Variants in CAMSAP1 observed in about 807,000 individuals in gnomAD.
The protein encoded by CAMSAP1 is calmodulin-regulated spectrin-associated protein 1.
CAMSAP1 carries 58 observed loss-of-function variants against 143.5 expected under a neutral mutation model. The observed-to-expected ratio is 0.40, with a 90% confidence interval of 0.33 to 0.50. CAMSAP1 has a LOEUF of 0.50. CAMSAP1 is among the 20% of genes least tolerant of loss of function. CAMSAP1 has a pLI of 0.45. For synonymous variants in CAMSAP1, 945 were observed against 859.3 expected (o/e 1.10, Z -1.74); for missense variants, 1,969 against 2,115.7 (o/e 0.93, Z 1.36).
chr9:135,838,130 C>T (rs1394564884), intron 7 of CAMSAP1, among the ~76,000 whole-genome samples: 1 of 150,546 alleles, frequency 6.6e-6, no homozygotes, highest in Non-Finnish European at 1.5e-5. Context: ...TCATCACACA[C>T]TTTCTACCCG....
Position 135,850,114 on chromosome 9 carries a change from CCTGGGGAATAT to C in CAMSAP1, c.1045+12_1045+22del, listed in dbSNP as rs780155643. On this transcript the variant is annotated intron_variant, in intron 7 of 16. Coordinates refer to ENST00000389532, the MANE Select transcript of CAMSAP1 (RefSeq NM_015447.4). ...AGGCTCTCAAGGAAACCATTGCCAA[CCTGGGGAATAT>C]CTGTCACTCACCGTCTTTCAGCTCC... is the stretch of plus-strand genomic sequence containing the variant. 3 of 1,581,388 alleles carry C rather than the reference CCTGGGGAATAT, an allele frequency of 1.9e-6. No homozygotes were observed. The African/African-American group carries it at 4.1e-5, about 21-fold the overall frequency.
chr9:135,824,695 A>G lies in CAMSAP1; in HGVS notation c.1315+94T>C. Reference sequence around the variant, plus strand: ...CAAACAAACAAACAAAAAAATCACTACATCAGATAAAATGATTTAATTTTG... The same window carrying G: ...CAAACAAACAAACAAAAAAATCACTGCATCAGATAAAATGATTTAATTTTG... On this transcript the variant is annotated intron_variant, in intron 9 of 16. Coordinates refer to ENST00000389532, the MANE Select transcript of CAMSAP1 (RefSeq NM_015447.4). This position sits in a 1 kb window ranked among gnomAD's most constrained non-coding sequence, Gnocchi z 4.1. The G allele has an allele frequency of 1.1e-6, 1 of 950,034 alleles. No individual in the cohort carries two copies. The highest frequency in any genetic ancestry group is 1.5e-6 in the Non-Finnish European group (1 of 648,348). 58.9% of individuals were successfully genotyped at this position (950,034 alleles called of 1,614,324 possible).
At position 135,822,655 on chromosome 9, in the gene CAMSAP1, G is replaced by T; in HGVS notation, c.2006C>A (p.Pro669Gln). Residue 669 changes from proline (P) to glutamine (Q), a missense_variant, in exon 11 of 17, where the codon CCA (proline) becomes CAA (glutamine). Physicochemically the swap from Pro to Gln is moderately conservative, Grantham distance 76. Coordinates refer to ENST00000389532, the MANE Select transcript of CAMSAP1 (RefSeq NM_015447.4). This position sits in a 1 kb window ranked among gnomAD's most constrained non-coding sequence, Gnocchi z 6.1. Reference protein sequence around the residue: ...PMGIDPTETGPLSVETAGEVC... With the variant: ...PMGIDPTETGQLSVETAGEVC... ...CTCTCCTGCGGTTTCCACTGACAGT[G>T]GTCCTGTCTCGGTGGGGTCGATGCC... 6.2e-7 allele frequency: 1 copy of T among 1,609,866 alleles called. No homozygotes were observed. Among genetic ancestry groups the T allele is most frequent in the Non-Finnish European group, 8.5e-7 (1 of 1,177,580 alleles).
At chr9:135,843,319 C>G (rs1836430913) in intron 7 of CAMSAP1, among the ~76,000 whole-genome samples, 1 of 152,078 alleles carries the variant, frequency 6.6e-6, no homozygotes, top group Non-Finnish European at 1.5e-5. Flanking sequence ...AAGAGCGAAA[C>G]TCCATCTCAA....
intron 14 of CAMSAP1, 83 bp from the exon 15 acceptor site, chr9:135,816,088 C>T (rs1258254756): frequency 7.8e-7 from 1 of 1,280,692 alleles, no homozygotes; most frequent in Non-Finnish European, 1.1e-6. Context: ...GGCCCGCAAC[C>T]AGGACAGGAA....
rs1324027956 is a variant in CAMSAP1 at position 135,809,908 on chromosome 9, A to C, written c.*1401T>G. On this transcript the variant is annotated 3_prime_UTR_variant, in exon 17 of 17. Transcript: ENST00000389532. ...TGTTCCCTCCTTATGTACACGACTCACTCATGTTTTTTGTCTATCTAAAAT... is the reference window on the plus strand; with the variant it reads ...TGTTCCCTCCTTATGTACACGACTCCCTCATGTTTTTTGTCTATCTAAAAT... 1 of 152,404 alleles carries C rather than the reference A, an allele frequency of 6.6e-6. No homozygotes were observed. Among genetic ancestry groups the C allele is most frequent in the Admixed American group, 6.5e-5 (1 of 15,278 alleles). 9.4% of individuals were successfully genotyped at this position (152,404 alleles called of 1,614,324 possible). A position where few individuals can be genotyped will look rare whatever the true frequency, so the allele number is the denominator to read the frequency against.
intron 4 of CAMSAP1, among the ~76,000 whole-genome samples, chr9:135,865,792 T>C (rs955440766): frequency 6.6e-6 from 1 of 151,992 alleles, no homozygotes; most frequent in Non-Finnish European, 1.5e-5. Context: ...AGCTAACAAA[T>C]GCATGGCCAG....
At chr9:135,899,221 T>A (rs1391186788) in intron 1 of CAMSAP1, among the ~76,000 whole-genome samples, 1 of 152,032 alleles carries the variant, frequency 6.6e-6, no homozygotes, top group Non-Finnish European at 1.5e-5. Flanking sequence ...TGGTTTAAAT[T>A]CCTCAAACTA....
At position 135,818,480 on chromosome 9, in the gene CAMSAP1, T is replaced by C; in HGVS notation, c.4096A>G (p.Lys1366Glu). 1 of 1,608,918 alleles carries C rather than the reference T, an allele frequency of 6.2e-7. No homozygotes were observed. Among genetic ancestry groups the C allele is most frequent in the Non-Finnish European group, 8.5e-7 (1 of 1,179,422 alleles). ...TGCACCGACTTCGGCCGCGGCTTCTTCGGCTTTGACTTGGGCTTGCCGAGC... is the reference window on the plus strand; with the variant it reads ...TGCACCGACTTCGGCCGCGGCTTCTCCGGCTTTGACTTGGGCTTGCCGAGC... ...QGLGKPKSKP[K>E]KPRPKSVHRE... Residue 1366 changes from lysine to glutamate, a missense_variant, in exon 13 of 17, where the codon AAG (lysine) becomes GAG (glutamate). Physicochemically the swap from Lys to Glu is moderately conservative, Grantham distance 56. Transcript: ENST00000389532. This position sits in a 1 kb window ranked among gnomAD's most constrained non-coding sequence, Gnocchi z 7.7.
At chr9:135,840,882 A>G (rs1402976620) in intron 7 of CAMSAP1, among the ~76,000 whole-genome samples, 1 of 152,288 alleles carries the variant, frequency 6.6e-6, no homozygotes, top group Middle Eastern at 3.4e-3. Context: ...CAGTGCTTAC[A>G]CCACCAGGGC....
chr9:135,839,543 G>A (rs556574397), intron 7 of CAMSAP1, among the ~76,000 whole-genome samples: 1 of 152,258 alleles, frequency 6.6e-6, no homozygotes, highest in African/African-American at 2.4e-5. Context: ...GCAAGATCCC[G>A]GGACTGTAGA....
intron 1 of CAMSAP1, among the ~76,000 whole-genome samples, 198 bp downstream of exon 1, chr9:135,906,802 C>A (rs1394619603): frequency 6.6e-6 from 1 of 152,086 alleles, no homozygotes; most frequent in East Asian, 1.9e-4. Flanking sequence ...GACGCCCACT[C>A]GCCAGGTGAC....
At chr9:135,847,958 G>GGGGGGGGGTGGA (rs1836635806) in intron 7 of CAMSAP1, among the ~76,000 whole-genome samples, 1 of 114,424 alleles carries the variant, frequency 8.7e-6, no homozygotes, top group Non-Finnish European at 1.8e-5. Context: ...GGGGGGGAGG[G>GGGGGGGGGTGGA]GGAGGAGTGA....
At position 135,822,623 on chromosome 9, in the gene CAMSAP1, C is replaced by A; in HGVS notation, c.2038G>T (p.Gly680Cys). Residue 680 changes from glycine (G) to cysteine (C), a missense_variant, in exon 11 of 17, where the codon GGT becomes TGT. Transcript: ENST00000389532. This position sits in a 1 kb window ranked among gnomAD's most constrained non-coding sequence, Gnocchi z 6.1. Reference protein sequence around the residue: ...LSVETAGEVCGGPLALGGFDP... With the variant: ...LSVETAGEVCCGPLALGGFDP... ...AATCCGCCAAGGGCCAGAGGCCCAC[C>A]ACAGACCTCTCCTGCGGTTTCCACT... The A allele has an allele frequency of 6.2e-7, 1 of 1,612,644 alleles. No homozygotes were observed. Among genetic ancestry groups the A allele is most frequent in the Non-Finnish European group, 8.5e-7 (1 of 1,179,208 alleles).
At position 135,822,133 on chromosome 9, in the gene CAMSAP1, T is replaced by C; in HGVS notation, c.2528A>G (p.Asp843Gly). ...STSSSQKTTP[D>G]ASESCPAPLT... is the part of the protein sequence containing the mutation. ...AGGGGCTGGGCAGCTCTCAGACGCATCTGGCGTGGTCTTCTGGGAGCTGCT... is the reference window on the plus strand; with the variant it reads ...AGGGGCTGGGCAGCTCTCAGACGCACCTGGCGTGGTCTTCTGGGAGCTGCT... The change falls in exon 11 of 17, where the codon GAT becomes GGT. Residue 843 changes from aspartate (D) to glycine (G), a missense_variant. Physicochemically the swap from Asp to Gly is moderately conservative, Grantham distance 94. Transcript: ENST00000389532. This position sits in a 1 kb window ranked among gnomAD's most constrained non-coding sequence, Gnocchi z 6.1. 1 of 1,613,074 alleles carries C rather than the reference T, an allele frequency of 6.2e-7. No homozygotes were observed. Among genetic ancestry groups the C allele is most frequent in the African/African-American group, 1.3e-5 (1 of 75,070 alleles).
At chr9:135,870,363 G>GT (rs756843790) in intron 3 of CAMSAP1, among the ~76,000 whole-genome samples, 12 of 152,116 alleles carry the variant, frequency 7.9e-5, no homozygotes, top group East Asian at 5.8e-4. Context: ...CGCCATGATT[G>GT]TAAGTTTCCC....
At chr9:135,887,664 A>G in intron 1 of CAMSAP1, among the ~76,000 whole-genome samples, 1 of 152,192 alleles carries the variant, frequency 6.6e-6, no homozygotes, top group East Asian at 1.9e-4. Flanking sequence ...GCGGCCCATC[A>G]GCACCTGCAG....
Position 135,822,881 on chromosome 9 carries a change from G to A in CAMSAP1, c.1780C>T (p.Pro594Ser). ...ESKPDSFFLE[P>S]LMPAVLKPAK... is the part of the protein sequence containing the mutation. Reference sequence around the variant, plus strand: ...GGCTTAAGAACTGCTGGCATCAAAGGCTCCAAGAAAAAACTGTCAGGCTTA... The same window carrying A: ...GGCTTAAGAACTGCTGGCATCAAAGACTCCAAGAAAAAACTGTCAGGCTTA... Residue 594 changes from proline (P) to serine (S), a missense_variant, in exon 11 of 17, where the codon CCT becomes TCT. This residue lies in a region of CAMSAP1 where 1,390 missense variants were observed against 1,420.8 expected (regional missense o/e 0.98). Coordinates refer to ENST00000389532, the MANE Select transcript of CAMSAP1 (RefSeq NM_015447.4). The surrounding 1 kb of genome is among the most constrained non-coding windows in gnomAD (Gnocchi z 6.1). 1 of 1,613,890 alleles carries A rather than the reference G, an allele frequency of 6.2e-7. No individual in the cohort carries two copies. Among genetic ancestry groups the A allele is most frequent in the South Asian group, 1.1e-5 (1 of 91,076 alleles).
chr9:135,842,949 G>C (rs112856062), intron 7 of CAMSAP1, among the ~76,000 whole-genome samples: 5,397 of 152,194 alleles, frequency 0.035, 299 homozygotes, highest in African/African-American at 0.12. Flanking sequence ...GGCAAAATAA[G>C]CAGCTAGCAT....
Sources: allele counts gnomAD v4.1 joint callset (sites outside exome capture counted in the v4.1 genomes callset), GRCh38; gene constraint gnomAD v4.1.1; regional missense constraint gnomAD v4.1.1; non-coding constraint Gnocchi (gnomAD v3.1); transcripts MANE v1.5; gene names NCBI Gene and HGNC (gene_info 2026-07-23, HGNC 2026-07-21).